Variants in OSBPL1A observed in about 807,000 individuals in gnomAD.
OSBPL1A encodes oxysterol binding protein like 1A, also known as oxysterol-binding protein-related protein 1.
Under a neutral mutation model 137.1 loss-of-function variants are expected in OSBPL1A, and 80 were observed. The observed-to-expected ratio is 0.58, with a 90% CI of 0.49 to 0.70. OSBPL1A has a LOEUF of 0.70. Ranked by LOEUF, OSBPL1A falls within the 30% of genes least tolerant of loss-of-function variation. The pLI is 0.00. For synonymous variants in OSBPL1A, 365 were observed against 389.7 expected (o/e 0.94, Z 0.75); for missense variants, 970 against 1,129.4 (o/e 0.86, Z 2.02).
intron 14 of OSBPL1A, among the ~76,000 whole-genome samples, chr18:24,299,959 G>A (rs534087998): frequency 2.8e-4 from 43 of 152,160 alleles, no homozygotes; most frequent in African/African-American, 1.0e-3. Flanking sequence ...ATTTATACTA[G>A]ACAAAAATTG....
intron 15 of OSBPL1A, among the ~76,000 whole-genome samples, chr18:24,254,571 T>C (rs994982453): frequency 2.0e-5 from 3 of 152,120 alleles, no homozygotes; most frequent in African/African-American, 7.2e-5. Flanking sequence ...ACAAACAATA[T>C]GCTCCTGAAT....
At position 24,253,158 on chromosome 18, in the gene OSBPL1A, AAGAC is replaced by A. The variant is rs550285405; in HGVS notation, c.1282-13780_1282-13777del. ...TAAATGGACTAAACTCTCCAATGAA[AAGAC>A]ATGGCGGGGGGGGGCGCTGAATGGA... On this transcript the variant is annotated intron_variant, in intron 15 of 27. Coordinates refer to ENST00000319481, the MANE Select transcript of OSBPL1A (RefSeq NM_080597.4). 3.2e-3 allele frequency among the ~76,000 whole-genome samples: 195 copies of A among 61,006 alleles called. 1 individual carries two copies. The highest frequency in any genetic ancestry group is 6.9e-3 in the African/African-American group (187 of 27,164). The allele number at this position is 61,006 out of a possible 152,430, so 40.0% of individuals were successfully genotyped here.
chr18:24,172,917 G>C (rs1046757997), intron 21 of OSBPL1A, among the ~76,000 whole-genome samples: 1 of 152,108 alleles, frequency 6.6e-6, no homozygotes, highest in African/African-American at 2.4e-5. Context: ...CAGAGGAATA[G>C]AAATCATTCT....
intron 13 of OSBPL1A, chr18:24,311,469 T>C: frequency 1.0e-6 from 1 of 985,792 alleles, no homozygotes; most frequent in African/African-American, 1.7e-5. Context: ...CTGATATTCC[T>C]CTAGGGATAA....
rs576043512 is a variant in OSBPL1A at position 24,267,844 on chromosome 18, CTT to C, written c.1281+12996_1281+12997del. ...GAATCATTAGAAGTTAGAGGTATGCCTTTTTTTTTTTTTTTAAATCAGGGATG... is the reference window on the plus strand; with the variant it reads ...GAATCATTAGAAGTTAGAGGTATGCCTTTTTTTTTTTTTAAATCAGGGATG... On this transcript the variant is annotated intron_variant, in intron 15 of 27. Transcript: ENST00000319481. Among the ~76,000 whole-genome samples the C allele has an allele frequency of 5.4e-4, 76 of 141,854 alleles. 1 individual carries two copies. The highest frequency in any genetic ancestry group is 5.7e-4 in the Admixed American group (8 of 14,050). 93.1% of individuals were successfully genotyped at this position (141,854 alleles called of 152,430 possible).
At chr18:24,291,660 A>G (rs1343886879) in intron 14 of OSBPL1A, among the ~76,000 whole-genome samples, 1 of 152,170 alleles carries the variant, frequency 6.6e-6, no homozygotes. Flanking sequence ...CAGAGTTTCA[A>G]GCAAGCTATA....
chr18:24,277,940 TA>T (rs1462412020), intron 15 of OSBPL1A, among the ~76,000 whole-genome samples: 2 of 152,238 alleles, frequency 1.3e-5, no homozygotes, highest in African/African-American at 4.8e-5. Context: ...CATTAAATGC[TA>T]GTTACTAAAC....
chr18:24,341,391 A>C (rs1363951466), intron 5 of OSBPL1A, among the ~76,000 whole-genome samples, 156 bp downstream of exon 5: 1 of 152,202 alleles, frequency 6.6e-6, no homozygotes, highest in Non-Finnish European at 1.5e-5. Flanking sequence ...TCATATAGAT[A>C]ATTGTGTGTT....
chr18:24,396,325 A>C (rs1907742715), intron 1 of OSBPL1A, among the ~76,000 whole-genome samples: 2 of 152,176 alleles, frequency 1.3e-5, no homozygotes, highest in Admixed American at 1.3e-4. Context: ...AGAGAGAAGA[A>C]TTAGCCACCC....
intron 15 of OSBPL1A, among the ~76,000 whole-genome samples, chr18:24,240,602 C>T (rs1410193723): frequency 6.6e-6 from 1 of 152,160 alleles, no homozygotes; most frequent in Non-Finnish European, 1.5e-5. Context: ...GTAGCAGCAG[C>T]GTCTTCTCAG....
At chr18:24,207,956 G>C (rs1022814494) in intron 17 of OSBPL1A, among the ~76,000 whole-genome samples, 2 of 152,100 alleles carry the variant, frequency 1.3e-5, no homozygotes, top group African/African-American at 2.4e-5. Flanking sequence ...TGTTACCCAG[G>C]CTGGTCTCAA....
chr18:24,190,361 A>G (rs895882242), intron 18 of OSBPL1A, among the ~76,000 whole-genome samples: 1 of 151,468 alleles, frequency 6.6e-6, no homozygotes, highest in African/African-American at 2.4e-5. Context: ...AAAAAAAAAA[A>G]AAAAAAAAAA....
intron 1 of OSBPL1A, among the ~76,000 whole-genome samples, chr18:24,388,372 A>T (rs1248966110): frequency 2.0e-5 from 3 of 152,216 alleles, no homozygotes; most frequent in African/African-American, 7.2e-5. Flanking sequence ...ATGAGGACTT[A>T]GTCCTTTGAA....
At chr18:24,372,290 A>G (rs753063578) in intron 2 of OSBPL1A, among the ~76,000 whole-genome samples, 16 of 150,936 alleles carry the variant, frequency 1.1e-4, no homozygotes, top group Non-Finnish European at 2.4e-4. Context: ...AAAAAAAAAG[A>G]AAGAAAAAGA....
At chr18:24,254,482 G>T (rs2089208519) in intron 15 of OSBPL1A, among the ~76,000 whole-genome samples, 1 of 152,132 alleles carries the variant, frequency 6.6e-6, no homozygotes, top group South Asian at 2.1e-4. Context: ...CAGAAAAAGA[G>T]AATAATATCA....
rs745309829 is a variant in OSBPL1A, at chr18:24,178,141, G to A, written c.1965C>T (p.Ile655=). The part of the protein sequence containing the change: ...ISEQVSHHPP[I]SAFHAEGLNN... ...TTAATCCTTCAGCATGAAATGCACT[G>A]ATTGGTGGGTGATGGCTGACCTGTT... Residue 655 remains isoleucine, a synonymous_variant, in exon 21 of 28, where the codon ATC becomes ATT. Coordinates refer to ENST00000319481, the MANE Select transcript of OSBPL1A (RefSeq NM_080597.4). 3 of 1,592,722 alleles carry A rather than the reference G, an allele frequency of 1.9e-6. No homozygotes were observed. In the South Asian group the frequency reaches 3.3e-5, roughly 18 times the overall value.
In OSBPL1A at chr18:24,167,360, C is replaced by T. The variant is rs754651669; in HGVS notation, c.2504G>A (p.Arg835Gln). 14 of 1,614,072 alleles carry T rather than the reference C, an allele frequency of 8.7e-6. No individual in the cohort carries two copies. The highest frequency in any genetic ancestry group is 1.7e-5 in the Admixed American group (1 of 60,008). Residue 835 changes from arginine to glutamine, a missense_variant, in exon 25 of 28, where the codon CGA (arginine) becomes CAA (glutamine). This residue lies in a region of OSBPL1A where 323 missense variants were observed against 456.8 expected (regional missense o/e 0.71). Transcript: ENST00000319481. ...AGAATTTGGAGGCCGTGGGGCTATT[C>T]GCCATAGAAGAACGCTTCCAGGGAT... ...FIIPGSVLLW[R>Q]IAPRPPNSAQ...
chr18:24,348,179 C>G lies in OSBPL1A; in HGVS notation c.283-6521G>C, dbSNP rs149165973. 5.6e-3 allele frequency among the ~76,000 whole-genome samples: 855 copies of G among 152,120 alleles called. 9 individuals carry two copies. Among genetic ancestry groups the G allele is most frequent in the African/African-American group, 0.02 (813 of 41,512 alleles). The stretch of plus-strand genomic sequence containing the variant: ...AACCCAAATTTTTATTGAAAAATAT[C>G]AACAATAAATGTATATCCACTTAAA... On this transcript the variant is annotated intron_variant, in intron 4 of 27. Coordinates refer to ENST00000319481, the MANE Select transcript of OSBPL1A (RefSeq NM_080597.4).
chr18:24,320,004 A>G (rs2090817584), intron 7 of OSBPL1A, among the ~76,000 whole-genome samples: 1 of 150,338 alleles, frequency 6.7e-6, no homozygotes, highest in Non-Finnish European at 1.5e-5. Context: ...AAAAAATTTA[A>G]TTAGCCAGGC....
Sources: allele counts gnomAD v4.1 joint callset (sites outside exome capture counted in the v4.1 genomes callset), GRCh38; gene constraint gnomAD v4.1.1; regional missense constraint gnomAD v4.1.1; transcripts MANE v1.5; gene names NCBI Gene and HGNC (gene_info 2026-07-23, HGNC 2026-07-21).